Variants in ZAP70 observed in about 807,000 individuals in gnomAD.
ZAP70 encodes the protein zeta chain of T cell receptor associated protein kinase 70.
A neutral mutation model predicts 65.8 loss-of-function variants in ZAP70; 27 were observed. The observed-to-expected ratio is 0.41, with a 90% confidence interval of 0.30 to 0.57. The LOEUF is 0.57. Ranked by LOEUF, ZAP70 falls within the 20% of genes least tolerant of loss-of-function variation. The pLI is 0.28. For synonymous variants in ZAP70, 363 were observed against 360.8 expected, an observed-to-expected ratio of 1.01 and a Z score of -0.07; for missense variants, 696 against 870.5, an observed-to-expected ratio of 0.80 and a Z score of 2.52.
At chr2:97,744,165 C>A (rs1037096670), downstream of ZAP70, among the ~76,000 whole-genome samples, 2 of 152,194 alleles carry the variant, frequency 1.3e-5, no homozygotes, top group Non-Finnish European at 2.9e-5. Flanking sequence ...CAGCGAAACC[C>A]TATCCACTCC....
chr2:97,726,732 G>A (rs1274749638), intron 4 of ZAP70, among the ~76,000 whole-genome samples: 1 of 152,260 alleles, frequency 6.6e-6, no homozygotes, highest in Non-Finnish European at 1.5e-5. Context: ...AATTGGAGTG[G>A]AGTTTCCAAG....
chr2:97,746,799 A>G, the ZAP70 span, among the ~76,000 whole-genome samples: 1 of 152,256 alleles, frequency 6.6e-6, no homozygotes, highest in Non-Finnish European at 1.5e-5. Flanking sequence ...AACTCACAGA[A>G]TGGGCCTAGT....
In ZAP70 at chr2:97,737,714, A is replaced by G. The variant is rs756232467; in HGVS notation, c.1483-43A>G. 1 of 1,613,942 alleles carries G rather than the reference A, an allele frequency of 6.2e-7. No homozygotes were observed. The highest frequency in any genetic ancestry group is 1.3e-5 in the African/African-American group (1 of 74,922). ...CCGACTGGATGGGCTGGGTGGGTAG[A>G]GGGTCCCTGACCCCTGATCCAGCAG... is the stretch of plus-strand genomic sequence containing the variant. On this transcript the variant is annotated intron_variant, in intron 11 of 13. Transcript: ENST00000264972. This position sits in a 1 kb window ranked among gnomAD's most constrained non-coding sequence, Gnocchi z 5.0.
At chr2:97,749,004 CTTTTTTTTTTTTT>C in the ZAP70 span, among the ~76,000 whole-genome samples, 2 of 114,992 alleles carry the variant, frequency 1.7e-5, no homozygotes, top group African/African-American at 7.4e-5. Flanking sequence ...TGACACTTCC[CTTTTTTTTTTTTT>C]TTTTTTTTTT....
At chr2:97,716,145 C>G (rs544373418) in intron 2 of ZAP70, among the ~76,000 whole-genome samples, 1 of 152,158 alleles carries the variant, frequency 6.6e-6, no homozygotes, top group African/African-American at 2.4e-5. Flanking sequence ...AAGGATGCAG[C>G]GCAGTTCTGG....
the ZAP70 span, among the ~76,000 whole-genome samples, chr2:97,747,323 A>C: frequency 6.6e-6 from 1 of 152,258 alleles, no homozygotes; most frequent in East Asian, 1.9e-4. Flanking sequence ...TCGAATGTCC[A>C]TCAACAGATG....
chr2:97,754,995 G>GA, the ZAP70 span, among the ~76,000 whole-genome samples: 1 of 152,142 alleles, frequency 6.6e-6, no homozygotes, highest in African/African-American at 2.4e-5. Context: ...AAAAGGTCAG[G>GA]TTCACAATCA....
At chr2:97,727,055 T>C (rs1677416710) in intron 4 of ZAP70, among the ~76,000 whole-genome samples, 1 of 152,242 alleles carries the variant, frequency 6.6e-6, no homozygotes, top group Admixed American at 6.5e-5. Flanking sequence ...GCTGGCCCAG[T>C]GCAGCCATCA....
In ZAP70 at chr2:97,739,674, T is replaced by C; in HGVS notation, c.*176T>C. ...TGCCTGCCTGGCCCCCTGTCCTCTC[T>C]GGCTGGGGAGCAGGGAGGTCCGGGA... On this transcript the variant is annotated 3_prime_UTR_variant, in exon 14 of 14. Coordinates refer to ENST00000264972, the MANE Select transcript of ZAP70 (RefSeq NM_001079.4). 1 of 1,045,084 alleles carries C rather than the reference T, an allele frequency of 9.6e-7. No homozygotes were observed. The highest frequency in any genetic ancestry group is 2.5e-5 in the Admixed American group (1 of 40,804). 64.7% of individuals were successfully genotyped at this position (1,045,084 alleles called of 1,614,324 possible). A position where few individuals can be genotyped will look rare whatever the true frequency, so the allele number is the denominator to read the frequency against.
intron 8 of ZAP70, chr2:97,734,200 C>G (rs540400705): frequency 6.4e-6 from 3 of 471,244 alleles, no homozygotes; most frequent in Middle Eastern, 6.4e-4. Context: ...CAGACAGGGA[C>G]GGGCCCGGCC....
chr2:97,729,142 C>T (rs993932528), intron 4 of ZAP70, among the ~76,000 whole-genome samples: 28 of 152,328 alleles, frequency 1.8e-4, no homozygotes, highest in African/African-American at 6.5e-4. Flanking sequence ...GCATATTCAC[C>T]TCAAAGACTT....
At chr2:97,748,872 C>T in the ZAP70 span, among the ~76,000 whole-genome samples, 3 of 152,196 alleles carry the variant, frequency 2.0e-5, no homozygotes, top group Non-Finnish European at 1.5e-5. Context: ...GAGCCACAGG[C>T]TTTCCCTCCC....
the ZAP70 span, among the ~76,000 whole-genome samples, chr2:97,756,051 G>GCAA: frequency 6.6e-6 from 1 of 152,210 alleles, no homozygotes; most frequent in South Asian, 2.1e-4. Flanking sequence ...ATAAATGGTA[G>GCAA]CAATTACTGC....
chr2:97,730,642 G>A (rs1315247506), intron 4 of ZAP70, among the ~76,000 whole-genome samples: 1 of 152,196 alleles, frequency 6.6e-6, no homozygotes, highest in Non-Finnish European at 1.5e-5. Flanking sequence ...AGAAGACAGA[G>A]GAGGAGGCCC....
In ZAP70 at chr2:97,731,785, C is replaced by A. The variant is rs75544281; in HGVS notation, c.564-1098C>A. On this transcript the variant is annotated intron_variant, in intron 4 of 13. Transcript: ENST00000264972. This position sits in a 1 kb window ranked among gnomAD's most constrained non-coding sequence, Gnocchi z 4.0. ...ATCCACAGGCAGGGCCAGGCCTGGT[C>A]TGAGAATTTGCACCTTGGAGGGTGC... Among the ~76,000 whole-genome samples the A allele has an allele frequency of 0.017, 2,596 of 152,344 alleles. 78 individuals carry two copies. The highest frequency in any genetic ancestry group is 0.06 in the African/African-American group (2,490 of 41,562).
chr2:97,718,050 G>A (rs1166555906), intron 2 of ZAP70, among the ~76,000 whole-genome samples: 1 of 152,222 alleles, frequency 6.6e-6, no homozygotes, highest in Non-Finnish European at 1.5e-5. Flanking sequence ...AGAGGAAGCT[G>A]ACTGGGGTCA....
At chr2:97,724,846 C>A in intron 3 of ZAP70, 1 of 1,523,056 alleles carries the variant, frequency 6.6e-7, no homozygotes. Flanking sequence ...GCACAACTAC[C>A]TGAATTAGGT....
chr2:97,726,952 G>GC (rs1677410356), intron 4 of ZAP70, among the ~76,000 whole-genome samples: 2 of 152,236 alleles, frequency 1.3e-5, no homozygotes, highest in South Asian at 4.1e-4. Context: ...AGCAGTTCTG[G>GC]TTTGGGTCAT....
chr2:97,717,386 T>C (rs1463963387), intron 2 of ZAP70, among the ~76,000 whole-genome samples: 1 of 137,616 alleles, frequency 7.3e-6, no homozygotes, highest in Non-Finnish European at 1.5e-5. Context: ...GCGGAGCCTC[T>C]GGCTGGGGGG....
Sources: gnomAD v4.1 joint callset for allele counts (sites outside exome capture counted in the v4.1 genomes callset) on GRCh38, gnomAD v4.1.1 for gene constraint, Gnocchi (gnomAD v3.1) non-coding constraint, MANE v1.5 for transcripts, NCBI Gene and HGNC (gene_info 2026-07-23, HGNC 2026-07-21) for gene names.